The following DNAJC12 variants were observed in gnomAD, a reference collection of about 807,000 sequenced individuals.
DNAJC12 encodes dnaJ homolog subfamily C member 12.
A neutral mutation model predicts 28.5 loss-of-function variants in DNAJC12; 25 were observed. The ratio of observed to expected loss-of-function variants is 0.88; its 90% CI spans 0.64 to 1.22. The LOEUF (loss-of-function observed/expected upper bound fraction) is 1.22. Among genes scored for constraint, DNAJC12 ranks in the 50% most tolerant of loss-of-function variants. The probability of loss-of-function intolerance (pLI) is 0.00; values close to 1 mark genes in which losing one functional copy is unlikely to be tolerated. For synonymous variants in DNAJC12, 77 were observed against 80.6 expected, an observed-to-expected ratio of 0.95 and a Z score of 0.24; for missense variants, 222 against 231.7, an observed-to-expected ratio of 0.96 and a Z score of 0.27.
chr10:67,798,372 A>G (rs1406306228), intron 4 of DNAJC12, among the ~76,000 whole-genome samples: 1 of 152,062 alleles, frequency 6.6e-6, no homozygotes, highest in African/African-American at 2.4e-5. Flanking sequence ...TATTTATGTG[A>G]AATTTTTTTA....
At chr10:67,802,948 C>A (rs989299758) in intron 4 of DNAJC12, among the ~76,000 whole-genome samples, 9 of 145,374 alleles carry the variant, frequency 6.2e-5, no homozygotes, top group Admixed American at 2.1e-4. Flanking sequence ...CATCCCCCCC[C>A]ACACACACAC....
At chr10:67,835,212 A>G (rs1842130674) in intron 1 of DNAJC12, among the ~76,000 whole-genome samples, 1 of 152,208 alleles carries the variant, frequency 6.6e-6, no homozygotes, top group African/African-American at 2.4e-5. Context: ...TTAGAATATC[A>G]AATTGTTTTG....
intron 1 of DNAJC12, among the ~76,000 whole-genome samples, chr10:67,826,513 T>C (rs1014393153): frequency 2.8e-5 from 4 of 144,948 alleles, no homozygotes; most frequent in African/African-American, 1.0e-4. Context: ...ATATATCATA[T>C]ATATCTCACA....
chr10:67,807,658 G>A (rs1367645397), intron 3 of DNAJC12, among the ~76,000 whole-genome samples: 3 of 152,144 alleles, frequency 2.0e-5, no homozygotes, highest in African/African-American at 7.2e-5. Flanking sequence ...AGAATTCAGG[G>A]CCCAGAGAGC....
intron 4 of DNAJC12, among the ~76,000 whole-genome samples, chr10:67,798,114 T>C (rs1371864950): frequency 2.6e-5 from 4 of 151,326 alleles, no homozygotes; most frequent in African/African-American, 4.9e-5. Flanking sequence ...AAGGAAATAA[T>C]AATGGATGCA....
intron 3 of DNAJC12, among the ~76,000 whole-genome samples, chr10:67,809,013 G>C (rs1261174188): frequency 6.6e-6 from 1 of 152,164 alleles, no homozygotes; most frequent in Non-Finnish European, 1.5e-5. Flanking sequence ...ACAATCAGCA[G>C]ACAAATAGGT....
intron 3 of DNAJC12, among the ~76,000 whole-genome samples, chr10:67,810,139 C>T (rs1841845010): frequency 1.3e-5 from 2 of 152,062 alleles, no homozygotes; most frequent in South Asian, 4.2e-4. Flanking sequence ...AAGAAAGGGC[C>T]TTCTTCTCAT....
chr10:67,826,638 TAA>T (rs1310083932), intron 1 of DNAJC12, among the ~76,000 whole-genome samples: 2 of 133,418 alleles, frequency 1.5e-5, no homozygotes, highest in East Asian at 4.3e-4. Context: ...TCATTATATA[TAA>T]GATATCTAAT....
chr10:67,830,436 G>A (rs1004879228), intron 1 of DNAJC12, among the ~76,000 whole-genome samples: 1 of 151,414 alleles, frequency 6.6e-6, no homozygotes, highest in African/African-American at 2.4e-5. Flanking sequence ...GTGAAACCCC[G>A]TCTCTACTAA....
intron 4 of DNAJC12, among the ~76,000 whole-genome samples, chr10:67,798,890 C>G (rs1444218818): frequency 1.3e-5 from 2 of 151,674 alleles, no homozygotes; most frequent in Non-Finnish European, 1.5e-5. Context: ...CTCAGCCTCC[C>G]GAGTGCTGGG....
chr10:67,809,030 G>T (rs541609942), intron 3 of DNAJC12, among the ~76,000 whole-genome samples: 1 of 152,172 alleles, frequency 6.6e-6, no homozygotes, highest in African/African-American at 2.4e-5. Flanking sequence ...AGGTCCACAC[G>T]AGGCTGACCC....
intron 2 of DNAJC12, among the ~76,000 whole-genome samples, chr10:67,819,755 GAAGGAAGGAAGGAAGGAAGGAAGGGGAA>G (rs1564863499): frequency 3.6e-4 from 7 of 19,532 alleles, no homozygotes; most frequent in African/African-American, 1.2e-3. Flanking sequence ...AGGAAGGAAG[GAAGGAAGGAAGGAAGGAAGGAAGGGGAA>G]GGAAGGAAGG....
chr10:67,818,930 C>A (rs1841942551), intron 2 of DNAJC12, among the ~76,000 whole-genome samples: 1 of 152,168 alleles, frequency 6.6e-6, no homozygotes, highest in African/African-American at 2.4e-5. Context: ...GCTGGGATTA[C>A]AGGCATTAGC....
chr10:67,824,370 T>C (rs1157546822), intron 1 of DNAJC12, among the ~76,000 whole-genome samples: 1 of 152,122 alleles, frequency 6.6e-6, no homozygotes, highest in Non-Finnish European at 1.5e-5. Context: ...GAATTATAAG[T>C]TATAATTTAT....
chr10:67,813,321 C>A (rs1045702242), intron 2 of DNAJC12, among the ~76,000 whole-genome samples: 14 of 151,762 alleles, frequency 9.2e-5, no homozygotes, highest in African/African-American at 3.4e-4. Flanking sequence ...CAAGATCACA[C>A]CACTGCACTC....
At chr10:67,835,176 T>C (rs1842130383) in intron 1 of DNAJC12, among the ~76,000 whole-genome samples, 1 of 152,182 alleles carries the variant, frequency 6.6e-6, no homozygotes, top group Admixed American at 6.5e-5. Flanking sequence ...TATGTGGGTG[T>C]CTCAATTCAA....
At chr10:67,799,878 C>CAAAAAAAAAAAA (rs56055620) in intron 4 of DNAJC12, among the ~76,000 whole-genome samples, 1 of 128,340 alleles carries the variant, frequency 7.8e-6, no homozygotes, top group Non-Finnish European at 1.6e-5. Flanking sequence ...GCGAGACTGT[C>CAAAAAAAAAAAA]AAAAAAAAAA....
At chr10:67,831,086 G>A (rs184074300) in intron 1 of DNAJC12, among the ~76,000 whole-genome samples, 4 of 152,288 alleles carry the variant, frequency 2.6e-5, no homozygotes, top group African/African-American at 9.6e-5. Flanking sequence ...TACTTGGGAG[G>A]CTGAGACACA....
At chr10:67,812,699 A>AG (rs1484504152) in intron 2 of DNAJC12, among the ~76,000 whole-genome samples, 1 of 151,702 alleles carries the variant, frequency 6.6e-6, no homozygotes, top group East Asian at 1.9e-4. Flanking sequence ...AAAAAAAAAA[A>AG]AAAAAATAGC....
Sources: allele counts gnomAD v4.1 joint callset (sites outside exome capture counted in the v4.1 genomes callset), GRCh38; gene constraint gnomAD v4.1.1; transcripts MANE v1.5; gene names NCBI Gene and HGNC (gene_info 2026-07-23, HGNC 2026-07-21).